Variants in SSR3 observed in about 807,000 individuals in gnomAD.
SSR3 encodes the protein signal sequence receptor subunit 3, also known as translocon-associated protein subunit gamma.
Under a neutral mutation model 22.1 loss-of-function variants are expected in SSR3, and 10 were observed. The observed-to-expected ratio is 0.45, with a 90% CI of 0.28 to 0.77. The LOEUF (loss-of-function observed/expected upper bound fraction) is 0.77. SSR3 is among the 30% of genes least tolerant of loss of function. The pLI is 0.13. For missense variants in SSR3, 181 were observed against 220.5 expected (o/e 0.82, Z 1.13); for synonymous variants, 104 against 82.5 (o/e 1.26, Z -1.42).
chr3:156,547,544 A>G (rs189036682), intron 3 of SSR3, among the ~76,000 whole-genome samples: 1 of 152,356 alleles, frequency 6.6e-6, no homozygotes, highest in African/African-American at 2.4e-5. Context: ...CTTGATCCCT[A>G]TGCAAAAAAC....
At chr3:156,547,831 C>A (rs747813370) in intron 3 of SSR3, among the ~76,000 whole-genome samples, 2 of 152,168 alleles carry the variant, frequency 1.3e-5, no homozygotes, top group African/African-American at 4.8e-5. Context: ...TCTCGTCAGA[C>A]AATGAAAGCT....
At chr3:156,547,877 C>A (rs892354989) in intron 3 of SSR3, among the ~76,000 whole-genome samples, 1 of 152,192 alleles carries the variant, frequency 6.6e-6, no homozygotes, top group Non-Finnish European at 1.5e-5. Flanking sequence ...CACCTGGAAA[C>A]CCACAACTAA....
At chr3:156,550,114 C>G (rs372360692) in intron 2 of SSR3, among the ~76,000 whole-genome samples, 1 of 152,082 alleles carries the variant, frequency 6.6e-6, no homozygotes, top group Non-Finnish European at 1.5e-5. Context: ...ATTGTGAGAA[C>G]AGGAAAAATA....
chr3:156,548,857 T>A (rs752059868), intron 3 of SSR3, 48 bp downstream of exon 3: 7 of 1,581,766 alleles, frequency 4.4e-6, no homozygotes, highest in Non-Finnish European at 6.0e-6. Context: ...AAAATTCTCT[T>A]CAAAGTACCC....
chr3:156,544,403 T>C lies in SSR3; in HGVS notation c.396A>G (p.Glu132=), dbSNP rs1226972371. ...TATAGAAGATGGAAAATGTTGTAGC[T>C]TCATAATCAGCAACTTCATTCTTCT... is the stretch of plus-strand genomic sequence containing the variant. ...LWKKNEVADY[E]ATTFSIFYNN... Residue 132 remains glutamate, a synonymous_variant, in exon 4 of 5, where the codon GAA becomes GAG. Transcript: ENST00000265044. The C allele has an allele frequency of 6.3e-7, 1 of 1,591,628 alleles. No individual in the cohort carries two copies. The highest frequency in any genetic ancestry group is 1.7e-5 in the Admixed American group (1 of 57,240).
rs1385165785 is a variant in SSR3, at chr3:156,542,983, TA to T, written c.*219del. 1.1e-5 allele frequency: 5 copies of T among 439,720 alleles called. No individual in the cohort carries two copies. Among genetic ancestry groups the T allele is most frequent in the African/African-American group, 5.9e-5 (3 of 50,616 alleles). 27.2% of individuals were successfully genotyped at this position (439,720 alleles called of 1,614,324 possible). ...TTGCAAGACATTTTTTTCCTTTTAA[TA>T]AACGTCCTAGTACTCTGAGTTTCCC... On this transcript the variant is annotated 3_prime_UTR_variant, in exon 5 of 5. Coordinates refer to ENST00000265044, the MANE Select transcript of SSR3 (RefSeq NM_007107.5).
At chr3:156,554,672 C>A (rs1348534608) in intron 1 of SSR3, 3 of 422,796 alleles carry the variant, frequency 7.1e-6, no homozygotes, top group Admixed American at 7.8e-5. Flanking sequence ...AATAGAGATT[C>A]GGGGCCGCCA....
At chr3:156,543,872 C>A in intron 4 of SSR3, 1 of 171,182 alleles carries the variant, frequency 5.8e-6, no homozygotes, top group Non-Finnish European at 1.2e-5. Context: ...CTGATTCTTG[C>A]CCAAAAGCTC....
intron 2 of SSR3, 56 bp from the exon 3 acceptor site, chr3:156,549,059 CA>C: frequency 6.5e-7 from 1 of 1,533,746 alleles, no homozygotes; most frequent in Non-Finnish European, 8.8e-7. Context: ...GTGAACATCA[CA>C]CTCTCTCAGA....
chr3:156,552,132 C>G (rs1719982912), intron 2 of SSR3, among the ~76,000 whole-genome samples: 1 of 152,076 alleles, frequency 6.6e-6, no homozygotes, highest in South Asian at 2.1e-4. Flanking sequence ...AAAACTCCAT[C>G]TCTACAAAAT....
chr3:156,543,388 T>C lies in SSR3; in HGVS notation c.492-119A>G, dbSNP rs575800006. 4.5e-5 allele frequency: 31 copies of C among 693,700 alleles called. 1 individual carries two copies. The South Asian group carries it at 6.2e-4, about 14-fold the overall frequency. The allele number at this position is 693,700 out of a possible 1,614,324, so 43.0% of individuals were successfully genotyped here. On this transcript the variant is annotated intron_variant, in intron 4 of 4. Coordinates refer to ENST00000265044, the MANE Select transcript of SSR3 (RefSeq NM_007107.5). ...TTCCTGACACTTGGTGTAATCATAATGATGTGCAGCCCCATTGTCTGCAAA... is the reference window on the plus strand; with the variant it reads ...TTCCTGACACTTGGTGTAATCATAACGATGTGCAGCCCCATTGTCTGCAAA...
intron 2 of SSR3, among the ~76,000 whole-genome samples, chr3:156,549,996 T>A (rs2108448985): frequency 6.6e-6 from 1 of 152,322 alleles, no homozygotes; most frequent in Non-Finnish European, 1.5e-5. Flanking sequence ...ACTATCTTTT[T>A]TCATATGCTT....
chr3:156,546,988 T>C (rs1366617595), intron 3 of SSR3, among the ~76,000 whole-genome samples: 1 of 152,118 alleles, frequency 6.6e-6, no homozygotes, highest in East Asian at 1.9e-4. Flanking sequence ...ACATCAAATC[T>C]CCTGGAATTC....
At chr3:156,548,773 A>G in intron 3 of SSR3, 132 bp downstream of exon 3, 1 of 1,097,128 alleles carries the variant, frequency 9.1e-7, no homozygotes, top group South Asian at 1.6e-5. Flanking sequence ...TACTATTTCC[A>G]TTACTACTAC....
intron 3 of SSR3, among the ~76,000 whole-genome samples, chr3:156,545,766 T>A (rs1719737877): frequency 6.6e-6 from 1 of 152,206 alleles, no homozygotes; most frequent in Non-Finnish European, 1.5e-5. Context: ...ATAAAACACC[T>A]TCTAATTTCA....
rs56322508 is a variant in SSR3 at position 156,547,228 on chromosome 3, G to A, written c.359+1677C>T. Among the ~76,000 whole-genome samples, 1,242 of 152,224 alleles carry A rather than the reference G, an allele frequency of 8.2e-3. 9 individuals are homozygous for A. Among genetic ancestry groups the A allele is most frequent in the African/African-American group, 0.028 (1,147 of 41,520 alleles). On this transcript the variant is annotated intron_variant, in intron 3 of 4. Coordinates refer to ENST00000265044, the MANE Select transcript of SSR3 (RefSeq NM_007107.5). ...CTTTGAAATACCTAATCCAGCAAATGGCAAAGGTTTCATTCCCAATTTCAA... is the reference window on the plus strand; with the variant it reads ...CTTTGAAATACCTAATCCAGCAAATAGCAAAGGTTTCATTCCCAATTTCAA...
At chr3:156,552,615 A>C (rs184408091) in intron 2 of SSR3, among the ~76,000 whole-genome samples, 8 of 152,352 alleles carry the variant, frequency 5.3e-5, no homozygotes, top group Admixed American at 3.9e-4. Context: ...AGTCTCAGTG[A>C]AATTCCAATT....
intron 1 of SSR3, 106 bp from the exon 2 acceptor site, chr3:156,553,887 G>A: frequency 8.8e-7 from 1 of 1,138,146 alleles, no homozygotes; most frequent in Non-Finnish European, 1.2e-6. Flanking sequence ...AAAATACCAG[G>A]TTATTAGTTA....
At position 156,548,710 on chromosome 3, in the gene SSR3, T is replaced by C. The variant is rs1577001352; in HGVS notation, c.359+195A>G. 1.6e-5 allele frequency: 11 copies of C among 671,082 alleles called. No individual in the cohort carries two copies. In the Middle Eastern group the frequency reaches 2.7e-3, roughly 167 times the overall value. 41.6% of individuals were successfully genotyped at this position (671,082 alleles called of 1,614,324 possible). On this transcript the variant is annotated intron_variant, in intron 3 of 4. Coordinates refer to ENST00000265044, the MANE Select transcript of SSR3 (RefSeq NM_007107.5). ...CTTTAGAGGAATAAATCAACTATTG[T>C]ACAGCACAGATAAAAGTATCTGGTT...
Sources: gnomAD v4.1 joint callset for allele counts (sites outside exome capture counted in the v4.1 genomes callset) on GRCh38, gnomAD v4.1.1 for gene constraint, MANE v1.5 for transcripts, NCBI Gene and HGNC (gene_info 2026-07-23, HGNC 2026-07-21) for gene names.